Variants in RASGRF1 observed in about 807,000 individuals in gnomAD.
The protein encoded by RASGRF1 is Ras protein specific guanine nucleotide releasing factor 1.
Under a neutral mutation model 138.7 loss-of-function variants are expected in RASGRF1, and 40 were observed. That is an observed-to-expected ratio of 0.29 (90% CI 0.22 to 0.38). RASGRF1 has a LOEUF of 0.38. RASGRF1 is among the 10% of genes least tolerant of loss of function. The pLI is 1.00. For synonymous variants in RASGRF1, 614 were observed against 663.2 expected, an observed-to-expected ratio of 0.93 and a Z score of 1.14; for missense variants, 1,108 against 1,650.4, an observed-to-expected ratio of 0.67 and a Z score of 5.69.
chr15:79,070,850 C>T (rs2057745961), intron 1 of RASGRF1, among the ~76,000 whole-genome samples: 1 of 152,184 alleles, frequency 6.6e-6, no homozygotes, highest in African/African-American at 2.4e-5. Flanking sequence ...ATATGATGAT[C>T]TTCTAGGCCC....
rs528622544 is a variant in RASGRF1, at chr15:78,985,124, G to A, written c.3297C>T (p.Ala1099=). The change falls in exon 23 of 27, where the codon GCC becomes GCT. Residue 1099 remains alanine (A), a synonymous_variant. Coordinates refer to ENST00000558480, the MANE Select transcript of RASGRF1 (RefSeq NM_001145648.3). ...ARVSAIEKWV[A]VADICRCLHN... ...GGAGGCAGCGGCATATGTCAGCTAC[G>A]GCCACCCACTTCTCGATGGCGCTCA... 25 of 1,613,402 alleles carry A rather than the reference G, an allele frequency of 1.5e-5. No homozygotes were observed. The highest frequency in any genetic ancestry group is 1.3e-4 in the East Asian group (6 of 44,882).
In RASGRF1 at chr15:79,027,055, C is replaced by T. The variant is rs1430860980; in HGVS notation, c.1381+686G>A. 6.6e-6 allele frequency among the ~76,000 whole-genome samples: 1 copy of T among 152,174 alleles called. No individual in the cohort carries two copies. The highest frequency in any genetic ancestry group is 2.1e-4 in the South Asian group (1 of 4,828). ...CTACAGAGAAGGGACTCTGGAGGTC[C>T]GTTTGAGGTGGAGGTCACCTGTGAG... On this transcript the variant is annotated intron_variant, in intron 9 of 26. Transcript: ENST00000558480. This position sits in a 1 kb window ranked among gnomAD's most constrained non-coding sequence, Gnocchi z 4.8.
At chr15:78,962,576 T>C (rs1309305340) in intron 26 of RASGRF1, among the ~76,000 whole-genome samples, 2 of 152,238 alleles carry the variant, frequency 1.3e-5, no homozygotes, top group African/African-American at 4.8e-5. Context: ...TGTCAGTGTT[T>C]CTGTATATTT....
chr15:78,973,497 G>A lies in RASGRF1; in HGVS notation c.3495-77C>T. On this transcript the variant is annotated intron_variant, in intron 24 of 26. Transcript: ENST00000558480. The surrounding 1 kb of genome is among the most constrained non-coding windows in gnomAD (Gnocchi z 4.9). ...CTACCAAGAACAGAACATCCCGCAT[G>A]CACCTTTTGCTTTGCTAGAGGCAAA... is the stretch of plus-strand genomic sequence containing the variant. 1.8e-6 allele frequency: 2 copies of A among 1,097,284 alleles called. No homozygotes were observed. Among genetic ancestry groups the A allele is most frequent in the Non-Finnish European group, 2.7e-6 (2 of 735,956 alleles). The allele number at this position is 1,097,284 out of a possible 1,614,324, so 68.0% of individuals were successfully genotyped here.
chr15:79,042,680 T>G (rs2057311875), intron 5 of RASGRF1, among the ~76,000 whole-genome samples: 2 of 152,218 alleles, frequency 1.3e-5, no homozygotes, highest in Admixed American at 1.3e-4. Context: ...ACTCTCTGTG[T>G]GCTATTGAGC....
rs139203093 is a variant in RASGRF1, at chr15:79,067,904, G to A, written c.277-3378C>T. 3.2e-3 allele frequency among the ~76,000 whole-genome samples: 487 copies of A among 152,280 alleles called. 7 individuals are homozygous for A. Among genetic ancestry groups the A allele is most frequent in the African/African-American group, 0.011 (464 of 41,556 alleles). On this transcript the variant is annotated intron_variant, in intron 1 of 26. Transcript: ENST00000558480. ...AAGCCCACGTCTAGAGAGAGAGGAT[G>A]AGCTCCAGGCTCCTGGAAGATGCTA...
At chr15:78,979,626 A>AC (rs2055974475) in intron 24 of RASGRF1, among the ~76,000 whole-genome samples, 1 of 152,052 alleles carries the variant, frequency 6.6e-6, no homozygotes, top group Non-Finnish European at 1.5e-5. Context: ...ACAGAAGCAA[A>AC]CCCCCCACTT....
At chr15:78,988,255 T>C (rs542901755) in intron 22 of RASGRF1, among the ~76,000 whole-genome samples, 1 of 152,338 alleles carries the variant, frequency 6.6e-6, no homozygotes, top group East Asian at 1.9e-4. Context: ...GCACAGCGTC[T>C]AGCATGGGGT....
At chr15:78,976,361 C>T (rs1435656781) in intron 24 of RASGRF1, among the ~76,000 whole-genome samples, 1 of 152,126 alleles carries the variant, frequency 6.6e-6, no homozygotes, top group Non-Finnish European at 1.5e-5. Context: ...ACGTAAAATA[C>T]ACTAACACAC....
intron 24 of RASGRF1, among the ~76,000 whole-genome samples, chr15:78,975,678 T>G (rs2055857319): frequency 6.6e-6 from 1 of 152,052 alleles, no homozygotes; most frequent in Admixed American, 6.6e-5. Flanking sequence ...ACCCAGCGAA[T>G]TTTTGTATTT....
chr15:78,994,923 C>A (rs1041304270), intron 20 of RASGRF1, among the ~76,000 whole-genome samples: 2 of 143,152 alleles, frequency 1.4e-5, no homozygotes, highest in African/African-American at 2.7e-5. Flanking sequence ...ACCCTTCCAG[C>A]ACCTTTTTTT....
chr15:79,090,266 G>A lies in RASGRF1; in HGVS notation c.233C>T (p.Ser78Phe). The A allele has an allele frequency of 6.2e-7, 1 of 1,611,240 alleles. No homozygotes were observed. The highest frequency in any genetic ancestry group is 8.5e-7 in the Non-Finnish European group (1 of 1,179,364). ...LEGCVCDRAP[S>F]PKPALSAKEP... Reference sequence around the variant, plus strand: ...CTTGGCCGACAGCGCCGGCTTGGGGGAGGGCGCGCGGTCGCAGACGCAGCC... The same window carrying A: ...CTTGGCCGACAGCGCCGGCTTGGGGAAGGGCGCGCGGTCGCAGACGCAGCC... Residue 78 changes from serine (S) to phenylalanine (F), a missense_variant, in exon 1 of 27, where the codon TCC becomes TTC. Physicochemically the swap from Ser to Phe is radical, Grantham distance 155. Coordinates refer to ENST00000558480, the MANE Select transcript of RASGRF1 (RefSeq NM_001145648.3).
In RASGRF1 at chr15:79,006,332, C is replaced by G; in HGVS notation, c.1929G>C (p.Leu643=). The G allele has an allele frequency of 6.2e-7, 1 of 1,614,236 alleles. No homozygotes were observed. The highest frequency in any genetic ancestry group is 8.5e-7 in the Non-Finnish European group (1 of 1,180,050). Residue 643 remains leucine, a synonymous_variant, in exon 14 of 27, where the codon CTG becomes CTC. Transcript: ENST00000558480. The surrounding 1 kb of genome is among the most constrained non-coding windows in gnomAD (Gnocchi z 4.0). ...LQIRYASVER[L]LERLTDLRFL... is the part of the protein sequence containing the mutation. ...AGCGCAGGTCCGTCAGCCTCTCCAG[C>G]AGCCGCTCCACACTGGCGTAGCGGA...
intron 13 of RASGRF1, among the ~76,000 whole-genome samples, chr15:79,014,956 C>CA (rs2056856382): frequency 6.7e-6 from 1 of 148,442 alleles, no homozygotes; most frequent in South Asian, 2.1e-4. Context: ...AAAAAACAAA[C>CA]AAAACAAAAC....
At chr15:79,070,139 G>A (rs909081712) in intron 1 of RASGRF1, among the ~76,000 whole-genome samples, 1 of 152,202 alleles carries the variant, frequency 6.6e-6, no homozygotes, top group Non-Finnish European at 1.5e-5. Context: ...TGCTCAGGTC[G>A]CATTTGGTTC....
chr15:79,027,715 G>A lies in RASGRF1; in HGVS notation c.1381+26C>T. 6.2e-7 allele frequency: 1 copy of A among 1,607,710 alleles called. No individual in the cohort carries two copies. Reference sequence around the variant, plus strand: ...TGCTGGGGCCCACCTGGTGGGGGCAGGGGAGACAGGGTGCAGAGGCCATAC... The same window carrying A: ...TGCTGGGGCCCACCTGGTGGGGGCAAGGGAGACAGGGTGCAGAGGCCATAC... On this transcript the variant is annotated intron_variant, in intron 9 of 26. Transcript: ENST00000558480. This position sits in a 1 kb window ranked among gnomAD's most constrained non-coding sequence, Gnocchi z 4.8.
chr15:79,022,896 C>T (rs1307859512), intron 10 of RASGRF1, among the ~76,000 whole-genome samples: 3 of 152,054 alleles, frequency 2.0e-5, no homozygotes, highest in Admixed American at 6.5e-5. Context: ...CCCTCTGGGC[C>T]GGGCGCGGTG....
At chr15:79,052,432 C>T (rs1311922492) in intron 3 of RASGRF1, among the ~76,000 whole-genome samples, 3 of 152,186 alleles carry the variant, frequency 2.0e-5, no homozygotes, top group African/African-American at 7.2e-5. Flanking sequence ...CTTCCCTCTG[C>T]CCCCATCCAA....
chr15:78,989,516 T>A (rs1319305348), intron 22 of RASGRF1, among the ~76,000 whole-genome samples: 8 of 152,116 alleles, frequency 5.3e-5, no homozygotes, highest in African/African-American at 1.9e-4. Context: ...TTAAAGAGAA[T>A]GTTTAATTAA....
Sources: allele counts gnomAD v4.1 joint callset (sites outside exome capture counted in the v4.1 genomes callset), GRCh38; gene constraint gnomAD v4.1.1; non-coding constraint Gnocchi (gnomAD v3.1); transcripts MANE v1.5; gene names NCBI Gene and HGNC (gene_info 2026-07-23, HGNC 2026-07-21).